ARHGEF37: variants seen among roughly 807,000 people sequenced by gnomAD.
The protein encoded by ARHGEF37 is Rho guanine nucleotide exchange factor 37, also known as Rho guanine nucleotide exchange factor (GEF) 37.
ARHGEF37 carries 55 observed loss-of-function variants against 71.1 expected under a neutral mutation model. The observed-to-expected ratio is 0.77, with a 90% CI of 0.62 to 0.97. ARHGEF37 has a LOEUF of 0.97. ARHGEF37 is among the 50% of genes least tolerant of loss of function. The pLI, the probability that ARHGEF37 is intolerant of heterozygous loss-of-function variation, is 0.00. For synonymous variants in ARHGEF37, 327 were observed against 350.6 expected, an observed-to-expected ratio of 0.93 and a Z score of 0.75; for missense variants, 765 against 836.8, an observed-to-expected ratio of 0.91 and a Z score of 1.06.
chr5:149,596,291 T>C (rs1464053760), intron 1 of ARHGEF37, among the ~76,000 whole-genome samples: 1 of 152,178 alleles, frequency 6.6e-6, no homozygotes, highest in African/African-American at 2.4e-5. Flanking sequence ...ATCTTGTCCA[T>C]GGTATTGCCC....
intron 1 of ARHGEF37, among the ~76,000 whole-genome samples, chr5:149,560,821 G>A (rs1017169443): frequency 6.6e-6 from 1 of 152,034 alleles, no homozygotes; most frequent in African/African-American, 2.4e-5. Context: ...GAAGTAGAAA[G>A]AAGAAACTAA....
chr5:149,631,306 G>A (rs1752878403), intron 12 of ARHGEF37, among the ~76,000 whole-genome samples: 1 of 151,658 alleles, frequency 6.6e-6, no homozygotes, highest in Non-Finnish European at 1.5e-5. Flanking sequence ...GAGTAGCTGG[G>A]ATTACAGGTG....
intron 1 of ARHGEF37, among the ~76,000 whole-genome samples, chr5:149,563,467 C>CT (rs1278464660): frequency 1.3e-5 from 2 of 152,222 alleles, no homozygotes; most frequent in African/African-American, 4.8e-5. Context: ...ATTTCAAGTT[C>CT]TGTCATTCTT....
At position 149,581,792 on chromosome 5, in the gene ARHGEF37, A is replaced by C. The variant is rs1763113646; in HGVS notation, c.-12+168A>C. ...TAGCTAGCTTTGTGTCTTGAGCCTT[A>C]TGAGAATGTAAGCCACCTGGTCCAT... On this transcript the variant is annotated intron_variant, in intron 1 of 12. Coordinates refer to ENST00000333677, the MANE Select transcript of ARHGEF37 (RefSeq NM_001001669.3). 2.0e-5 allele frequency among the ~76,000 whole-genome samples: 3 copies of C among 152,116 alleles called. No homozygotes were observed. The East Asian group carries it at 5.8e-4, about 29-fold the overall frequency.
chr5:149,584,636 G>A (rs549268839), intron 1 of ARHGEF37, among the ~76,000 whole-genome samples: 23 of 151,338 alleles, frequency 1.5e-4, no homozygotes, highest in Non-Finnish European at 3.1e-4. Context: ...TTGAGATGGA[G>A]TCTCGCTCTG....
Position 149,592,117 on chromosome 5 carries a change from C to T in ARHGEF37, c.-11-5642C>T, listed in dbSNP as rs1763425042. 2.0e-5 allele frequency among the ~76,000 whole-genome samples: 3 copies of T among 152,296 alleles called. No individual in the cohort carries two copies. In the South Asian group the frequency reaches 6.2e-4, roughly 32 times the overall value. Reference sequence around the variant, plus strand: ...ATGGTTACATCTTATTTAAATATAGCACAACATCAAAACCAGGAAATGGGC... The same window carrying T: ...ATGGTTACATCTTATTTAAATATAGTACAACATCAAAACCAGGAAATGGGC... On this transcript the variant is annotated intron_variant, in intron 1 of 12. Transcript: ENST00000333677.
intron 1 of ARHGEF37, among the ~76,000 whole-genome samples, chr5:149,583,363 C>T (rs1486574064): frequency 6.6e-5 from 10 of 152,218 alleles, no homozygotes; most frequent in Admixed American, 6.5e-4. Flanking sequence ...TTGCAAACTC[C>T]TGAGCTCAGG....
chr5:149,560,875 G>A (rs1310623889), intron 1 of ARHGEF37, among the ~76,000 whole-genome samples: 1 of 152,156 alleles, frequency 6.6e-6, no homozygotes. Context: ...CAGATAAAAT[G>A]TAAAATTCTG....
chr5:149,597,581 C>A (rs1321197209), intron 1 of ARHGEF37, among the ~76,000 whole-genome samples, 178 bp from the exon 2 acceptor site: 3 of 152,164 alleles, frequency 2.0e-5, no homozygotes, highest in Admixed American at 1.3e-4. Flanking sequence ...AGAGCTGTTA[C>A]CTGCCTTTCA....
intron 1 of ARHGEF37, among the ~76,000 whole-genome samples, chr5:149,594,296 C>G (rs1763486655): frequency 6.6e-6 from 1 of 152,190 alleles, no homozygotes; most frequent in Non-Finnish European, 1.5e-5. Context: ...GTTGTGGAAC[C>G]TGAATAGCTT....
rs1000193365 is a variant in ARHGEF37 at position 149,622,610 on chromosome 5, G to C, written c.1335+548G>C. Among the ~76,000 whole-genome samples, 4 of 152,162 alleles carry C rather than the reference G, an allele frequency of 2.6e-5. No individual in the cohort carries two copies. The East Asian group carries it at 7.7e-4, about 29-fold the overall frequency. The stretch of plus-strand genomic sequence containing the variant: ...AAGGCACGGAGAGGTAAAGTAGCTT[G>C]TCTAGGGCCACACGGCTAATAGCAA... On this transcript the variant is annotated intron_variant, in intron 9 of 12. Transcript: ENST00000333677.
chr5:149,559,562 T>C (rs1762802084), intron 1 of ARHGEF37, among the ~76,000 whole-genome samples: 1 of 152,238 alleles, frequency 6.6e-6, no homozygotes, highest in Non-Finnish European at 1.5e-5. Flanking sequence ...GTAATGAATA[T>C]TCCTGTAGCT....
At chr5:149,612,709 C>T (rs1233970695) in intron 4 of ARHGEF37, among the ~76,000 whole-genome samples, 1 of 152,198 alleles carries the variant, frequency 6.6e-6, no homozygotes, top group Non-Finnish European at 1.5e-5. Flanking sequence ...CAGGACTGTC[C>T]TTGCAAGACA....
Position 149,629,848 on chromosome 5 carries a change from A to G in ARHGEF37, c.1818+882A>G, listed in dbSNP as rs150576612. 2.6e-5 allele frequency among the ~76,000 whole-genome samples: 4 copies of G among 152,374 alleles called. No homozygotes were observed. In the East Asian group the frequency reaches 7.7e-4, roughly 29 times the overall value. ...ACGCGAGCTCTTTGTACAATGGAAT[A>G]TTATTCAGCCATAGAGACGAATGAA... On this transcript the variant is annotated intron_variant, in intron 12 of 12. Transcript: ENST00000333677.
intron 4 of ARHGEF37, among the ~76,000 whole-genome samples, chr5:149,610,679 T>G (rs758593174): frequency 5.9e-5 from 9 of 152,188 alleles, no homozygotes; most frequent in Admixed American, 1.3e-4. Context: ...ACAAACAGGC[T>G]TCTGCAAGAG....
At chr5:149,614,683 C>G (rs1211822521) in intron 4 of ARHGEF37, among the ~76,000 whole-genome samples, 3 of 152,148 alleles carry the variant, frequency 2.0e-5, no homozygotes, top group African/African-American at 7.2e-5. Flanking sequence ...GTCAGCCAAG[C>G]CCCAGGACAC....
At chr5:149,597,691 T>G in intron 1 of ARHGEF37, 68 bp from the exon 2 acceptor site, 1 of 1,391,100 alleles carries the variant, frequency 7.2e-7, no homozygotes. Flanking sequence ...TAATTGTCAT[T>G]GAATTAGAGA....
Position 149,601,129 on chromosome 5 carries a change from G to A in ARHGEF37, c.208G>A (p.Val70Ile), listed in dbSNP as rs1763742843. Reference protein sequence around the residue: ...LQQLPQGDLDVLFSNIDDIIK... With the variant: ...LQQLPQGDLDILFSNIDDIIK... ...CCAGTTGCCGCAGGGAGATCTGGATGTCCTGTTCTCAAACATTGATGATAT... is the reference window on the plus strand; with the variant it reads ...CCAGTTGCCGCAGGGAGATCTGGATATCCTGTTCTCAAACATTGATGATAT... The change falls in exon 3 of 13, where the codon GTC becomes ATC. Residue 70 changes from valine to isoleucine, a missense_variant. Around this residue, in one of 5 missense-constraint regions of ARHGEF37, gnomAD observed 201 missense variants for 217.5 expected, o/e 0.92. Coordinates refer to ENST00000333677, the MANE Select transcript of ARHGEF37 (RefSeq NM_001001669.3). The A allele has an allele frequency of 6.2e-7, 1 of 1,612,422 alleles. No individual in the cohort carries two copies. The highest frequency in any genetic ancestry group is 8.5e-7 in the Non-Finnish European group (1 of 1,178,696).
chr5:149,619,651 G>A (rs1216023911), intron 7 of ARHGEF37, among the ~76,000 whole-genome samples: 7 of 152,042 alleles, frequency 4.6e-5, no homozygotes, highest in African/African-American at 1.7e-4. Flanking sequence ...CTCCTGATGC[G>A]TCAATGTGAG....
Sources: allele counts gnomAD v4.1 joint callset (sites outside exome capture counted in the v4.1 genomes callset), GRCh38; gene constraint gnomAD v4.1.1; regional missense constraint gnomAD v4.1.1; transcripts MANE v1.5; gene names NCBI Gene and HGNC (gene_info 2026-07-23, HGNC 2026-07-21).